LY96: variants seen among roughly 807,000 people sequenced by gnomAD.
LY96 encodes the protein lymphocyte antigen 96, also known as myeloid differentiation protein-2.
LY96 carries 18 observed loss-of-function variants against 18.9 expected under a neutral mutation model. The observed-to-expected ratio is 0.95, with a 90% CI of 0.66 to 1.41. The LOEUF (loss-of-function observed/expected upper bound fraction) is 1.41. Among genes scored for constraint, LY96 ranks in the 40% most tolerant of loss-of-function variants. The pLI is 0.00. For missense variants in LY96, 175 were observed against 182.4 expected (o/e 0.96, Z 0.23); for synonymous variants, 66 against 62.6 (o/e 1.06, Z -0.26).
intron 2 of LY96, among the ~76,000 whole-genome samples, chr8:74,006,973 G>A (rs1283379508): frequency 6.6e-6 from 1 of 152,232 alleles, no homozygotes; most frequent in East Asian, 1.9e-4. Flanking sequence ...GGAAGCCAGA[G>A]TAGGCTAGGA....
At chr8:73,992,890 C>T (rs934293699) in intron 1 of LY96, among the ~76,000 whole-genome samples, 3 of 143,336 alleles carry the variant, frequency 2.1e-5, no homozygotes, top group African/African-American at 7.8e-5. Flanking sequence ...GAGTTTTGCT[C>T]TGTTGCCAGG....
At chr8:74,048,323 G>A in the LY96 span, among the ~76,000 whole-genome samples, 2 of 151,172 alleles carry the variant, frequency 1.3e-5, no homozygotes, top group East Asian at 3.9e-4. Context: ...GTACAGTGGT[G>A]CAATCTTGGC....
At chr8:74,020,280 C>G (rs982735090) in intron 3 of LY96, among the ~76,000 whole-genome samples, 1 of 152,104 alleles carries the variant, frequency 6.6e-6, no homozygotes, top group Non-Finnish European at 1.5e-5. Flanking sequence ...CAATAACAGA[C>G]AAACAGAGAG....
the LY96 span, among the ~76,000 whole-genome samples, chr8:74,099,258 A>T: frequency 6.6e-6 from 1 of 152,204 alleles, no homozygotes; most frequent in Non-Finnish European, 1.5e-5. Flanking sequence ...AACGGTCCTC[A>T]GCCATGATGG....
At chr8:73,996,360 C>CATT (rs1563707672) in intron 1 of LY96, among the ~76,000 whole-genome samples, 80 of 116,786 alleles carry the variant, frequency 6.9e-4, no homozygotes, top group African/African-American at 2.3e-3. Context: ...TTCCTTCCTT[C>CATT]CTTCCTTCAT....
At chr8:74,048,375 C>T in the LY96 span, among the ~76,000 whole-genome samples, 1 of 152,074 alleles carries the variant, frequency 6.6e-6, no homozygotes, top group Admixed American at 6.5e-5. Flanking sequence ...AATTTTCCTG[C>T]CTCAGCCTTC....
downstream of LY96, among the ~76,000 whole-genome samples, chr8:74,033,312 C>T (rs11997436): frequency 1.3e-5 from 2 of 151,924 alleles, no homozygotes; most frequent in Non-Finnish European, 2.9e-5. Context: ...AAAACAAAGG[C>T]CTTTAAAACA....
chr8:74,003,106 CTGTT>C (rs1290273791), intron 1 of LY96, among the ~76,000 whole-genome samples: 2 of 151,878 alleles, frequency 1.3e-5, no homozygotes, highest in Non-Finnish European at 2.9e-5. Context: ...CCTTGTCTCT[CTGTT>C]TGGCATCTAC....
chr8:73,999,434 AT>A (rs1563709341), intron 1 of LY96, among the ~76,000 whole-genome samples: 1 of 151,812 alleles, frequency 6.6e-6, no homozygotes, highest in East Asian at 1.9e-4. Flanking sequence ...TAATTTTTGT[AT>A]TTTTTGTACA....
chr8:74,088,080 G>T, the LY96 span, among the ~76,000 whole-genome samples: 1 of 147,846 alleles, frequency 6.8e-6, no homozygotes, highest in African/African-American at 2.5e-5. Flanking sequence ...ACTTCACTGA[G>T]AGAAGAATAG....
the LY96 span, chr8:74,055,790 G>C: frequency 6.6e-6 from 1 of 152,276 alleles, no homozygotes; most frequent in Admixed American, 6.5e-5. Flanking sequence ...CCAGGCATGA[G>C]AAGCATTTGC....
chr8:74,088,047 G>A, the LY96 span, among the ~76,000 whole-genome samples: 31 of 148,478 alleles, frequency 2.1e-4, no homozygotes, highest in East Asian at 2.5e-3. Flanking sequence ...AATTCCCAAA[G>A]CATTGTACCC....
intron 1 of LY96, among the ~76,000 whole-genome samples, chr8:73,993,748 A>G (rs1816061023): frequency 6.6e-6 from 1 of 151,340 alleles, no homozygotes; most frequent in Non-Finnish European, 1.5e-5. Flanking sequence ...TGGCCTAATT[A>G]TTAATTTTTT....
the LY96 span, among the ~76,000 whole-genome samples, chr8:74,084,280 T>C: frequency 6.6e-6 from 1 of 152,140 alleles, no homozygotes; most frequent in Non-Finnish European, 1.5e-5. Context: ...CCTTCTATGA[T>C]GTGAGCAGTC....
At chr8:74,070,124 C>G in the LY96 span, among the ~76,000 whole-genome samples, 1 of 151,074 alleles carries the variant, frequency 6.6e-6, no homozygotes, top group East Asian at 1.9e-4. Context: ...CGCGGTGTCA[C>G]TCTGTTGCCC....
the LY96 span, among the ~76,000 whole-genome samples, chr8:74,068,906 T>C: frequency 6.6e-6 from 1 of 152,186 alleles, no homozygotes; most frequent in Non-Finnish European, 1.5e-5. Flanking sequence ...GCAATTCTCA[T>C]GCCTCAGCCT....
chr8:74,000,978 C>T (rs561996331), intron 1 of LY96, among the ~76,000 whole-genome samples: 16 of 152,310 alleles, frequency 1.1e-4, no homozygotes, highest in Non-Finnish European at 1.8e-4. Context: ...AATTCATTCA[C>T]AAGGGCAGAG....
chr8:74,024,295 T>C (rs1365698622), intron 3 of LY96, among the ~76,000 whole-genome samples: 1 of 151,282 alleles, frequency 6.6e-6, no homozygotes, highest in Non-Finnish European at 1.5e-5. Context: ...TGATAAATAC[T>C]CTCAAAGAAA....
chr8:74,091,801 C>T, the LY96 span, among the ~76,000 whole-genome samples: 1 of 152,152 alleles, frequency 6.6e-6, no homozygotes, highest in African/African-American at 2.4e-5. Context: ...CCAGTATGTC[C>T]CCATTTCTTT....
Sources: gnomAD v4.1 joint callset for allele counts (sites outside exome capture counted in the v4.1 genomes callset) on GRCh38, gnomAD v4.1.1 for gene constraint, MANE v1.5 for transcripts, NCBI Gene and HGNC (gene_info 2026-07-23, HGNC 2026-07-21) for gene names.